The following PTPRN2 variants were observed in gnomAD, a reference collection of about 807,000 sequenced individuals.
The protein encoded by PTPRN2 is protein tyrosine phosphatase receptor type N2, also known as receptor-type tyrosine-protein phosphatase N2.
PTPRN2 carries 74 observed loss-of-function variants against 118.8 expected under a neutral mutation model. The observed-to-expected ratio is 0.62, with a 90% CI of 0.52 to 0.76. PTPRN2 has a LOEUF of 0.76. Ranked by LOEUF, PTPRN2 falls within the 30% of genes least tolerant of loss-of-function variation. The probability of loss-of-function intolerance (pLI) is 0.00; values close to 1 mark genes in which losing one functional copy is unlikely to be tolerated. For synonymous variants in PTPRN2, 641 were observed against 608.0 expected, an observed-to-expected ratio of 1.05 and a Z score of -0.80; for missense variants, 1,481 against 1,394.4, an observed-to-expected ratio of 1.06 and a Z score of -0.99.
At chr7:158,463,950 CCGTCATCATCCTTACCATCGCCATCAT>C (rs1819203897) in intron 2 of PTPRN2, among the ~76,000 whole-genome samples, 1 of 141,706 alleles carries the variant, frequency 7.1e-6, no homozygotes, top group African/African-American at 2.7e-5. Flanking sequence ...TTCATCATCA[CCGTCATCATCCTTACCATCGCCATCAT>C]TGCCATGCCA....
intron 13 of PTPRN2, among the ~76,000 whole-genome samples, chr7:157,665,562 G>A (rs1408450473): frequency 6.6e-6 from 1 of 152,232 alleles, no homozygotes; most frequent in East Asian, 1.9e-4. Context: ...CCACCAGGGT[G>A]TGGATGAAAC....
rs558190094 is a variant in PTPRN2 at position 157,986,683 on chromosome 7, C to G, written c.1724-87946G>C. ...GACTGCTTGATTCAAGCCAATAGTG[C>G]TAAATTAGAAATAATGAAGGCTTCA... is the stretch of plus-strand genomic sequence containing the variant. On this transcript the variant is annotated intron_variant, in intron 11 of 22. Coordinates refer to ENST00000389418, the MANE Select transcript of PTPRN2 (RefSeq NM_002847.5). The surrounding 1 kb of genome is among the most constrained non-coding windows in gnomAD (Gnocchi z 4.5). Among the ~76,000 whole-genome samples the G allele has an allele frequency of 5.9e-5, 9 of 152,314 alleles. No homozygotes were observed. In the East Asian group the frequency reaches 1.7e-3, roughly 29 times the overall value.
chr7:158,050,933 G>A (rs1393510268), intron 11 of PTPRN2, among the ~76,000 whole-genome samples: 1 of 152,254 alleles, frequency 6.6e-6, no homozygotes, highest in Non-Finnish European at 1.5e-5. Flanking sequence ...CCCACGGCAG[G>A]AGTGAGGAGC....
At chr7:157,686,173 G>C (rs1797182776) in intron 12 of PTPRN2, among the ~76,000 whole-genome samples, 1 of 152,182 alleles carries the variant, frequency 6.6e-6, no homozygotes. Context: ...CCCAGGGCCC[G>C]GCTGGGAAAC....
chr7:158,005,398 G>A (rs2128863832), intron 11 of PTPRN2, among the ~76,000 whole-genome samples: 1 of 152,240 alleles, frequency 6.6e-6, no homozygotes, highest in African/African-American at 2.4e-5. Context: ...GGTGGGTGCA[G>A]CTTATGGTGG....
Position 157,808,370 on chromosome 7 carries a change from G to A in PTPRN2, c.1788+90303C>T, listed in dbSNP as rs1011814711. Among the ~76,000 whole-genome samples the A allele has an allele frequency of 2.0e-5, 3 of 152,226 alleles. No individual in the cohort carries two copies. The highest frequency in any genetic ancestry group is 3.4e-3 in the Middle Eastern group (1 of 294). On this transcript the variant is annotated intron_variant, in intron 12 of 22. Transcript: ENST00000389418. This position sits in a 1 kb window ranked among gnomAD's most constrained non-coding sequence, Gnocchi z 5.0. Reference sequence around the variant, plus strand: ...GTGAGTGAGCGAGTGAAACTTTGTCGGTATTTATAGCCAGTCCCCATGGCT... The same window carrying A: ...GTGAGTGAGCGAGTGAAACTTTGTCAGTATTTATAGCCAGTCCCCATGGCT...
At chr7:158,342,097 C>CCCAT in intron 2 of PTPRN2, among the ~76,000 whole-genome samples, 1 of 144,926 alleles carries the variant, frequency 6.9e-6, no homozygotes, top group African/African-American at 2.6e-5. Context: ...GTGTCACCTG[C>CCCAT]AGACGTCACT....
chr7:158,342,812 A>G (rs1807155030), intron 2 of PTPRN2, among the ~76,000 whole-genome samples: 1 of 152,160 alleles, frequency 6.6e-6, no homozygotes, highest in Non-Finnish European at 1.5e-5. Context: ...AGGTACGGAA[A>G]CAGGATCAAC....
Position 158,587,661 on chromosome 7 carries a change from C to A in PTPRN2, c.9G>T (p.Pro3=). The A allele has an allele frequency of 7.4e-7, 1 of 1,345,640 alleles. No individual in the cohort carries two copies. Among genetic ancestry groups the A allele is most frequent in the Non-Finnish European group, 9.5e-7 (1 of 1,051,088 alleles). 83.4% of individuals were successfully genotyped at this position (1,345,640 alleles called of 1,614,324 possible). Residue 3 remains proline, a synonymous_variant, in exon 1 of 23, where the codon CCG becomes CCT. Transcript: ENST00000389418. MG[P]PLPLLLLLLL... is the part of the protein sequence containing the mutation. Reference sequence around the variant, plus strand: ...GTAGCAGCAGCAGCAGCGGGAGCGGCGGCCCCATCCCCGCGGCCTGGCCGG... The same window carrying A: ...GTAGCAGCAGCAGCAGCGGGAGCGGAGGCCCCATCCCCGCGGCCTGGCCGG...
At chr7:157,856,736 T>C (rs966694788) in intron 12 of PTPRN2, among the ~76,000 whole-genome samples, 1 of 152,246 alleles carries the variant, frequency 6.6e-6, no homozygotes, top group Non-Finnish European at 1.5e-5. Context: ...GTGGATTTCA[T>C]ATGACCTGCT....
chr7:158,071,372 G>C (rs111162920), intron 11 of PTPRN2, among the ~76,000 whole-genome samples: 2 of 115,234 alleles, frequency 1.7e-5, no homozygotes, highest in East Asian at 3.1e-4. Flanking sequence ...TGCTCATGGT[G>C]GTGGAGGTGC....
At chr7:157,547,234 G>A (rs368628292) in intron 22 of PTPRN2, among the ~76,000 whole-genome samples, 20 of 152,190 alleles carry the variant, frequency 1.3e-4, no homozygotes, top group Admixed American at 7.2e-4. Context: ...TGTGTGCCCC[G>A]TTCTCCCAGC....
chr7:157,804,072 T>C (rs1185943097), intron 12 of PTPRN2, among the ~76,000 whole-genome samples: 3 of 152,230 alleles, frequency 2.0e-5, no homozygotes, highest in African/African-American at 7.2e-5. Context: ...AAGTTAAAAT[T>C]AAAGAGGATC....
At chr7:157,710,444 A>T in intron 12 of PTPRN2, among the ~76,000 whole-genome samples, 1 of 151,994 alleles carries the variant, frequency 6.6e-6, no homozygotes, top group Non-Finnish European at 1.5e-5. Context: ...CCATCTCTAC[A>T]AACAATAAAA....
chr7:158,312,419 TAC>T (rs10566609), intron 3 of PTPRN2, among the ~76,000 whole-genome samples: 173 of 149,732 alleles, frequency 1.2e-3, no homozygotes, highest in African/African-American at 4.0e-3. Context: ...CATGTAGACA[TAC>T]ACACACATGC....
chr7:158,422,578 C>G (rs376639144), intron 2 of PTPRN2, among the ~76,000 whole-genome samples: 9 of 152,382 alleles, frequency 5.9e-5, no homozygotes, highest in African/African-American at 2.2e-4. Context: ...CAAATGCCAT[C>G]TGAAGGCCTC....
Position 158,214,397 on chromosome 7 carries a change from TACACACACACAC to T in PTPRN2, c.278-9136_278-9125del, listed in dbSNP as rs144370539. ...GCCGCAATCCGGAAACACCAGCGTGTACACACACACACACACACACACACACACACACACAAC... is the reference window on the plus strand; with the variant it reads ...GCCGCAATCCGGAAACACCAGCGTGTACACACACACACACACACACACAAC... On this transcript the variant is annotated intron_variant, in intron 3 of 22. Transcript: ENST00000389418. 8.9e-5 allele frequency among the ~76,000 whole-genome samples: 13 copies of T among 145,862 alleles called. No homozygotes were observed. In the East Asian group the frequency reaches 1.9e-3, roughly 21 times the overall value.
rs1428279613 is a variant in PTPRN2 at position 157,801,239 on chromosome 7, G to A, written c.1788+97434C>T. ...ACGCCAGACCAGAAACTGAACCGAC[G>A]CTGAAAGTATCAGGCCTTCCGCTTA... On this transcript the variant is annotated intron_variant, in intron 12 of 22. Coordinates refer to ENST00000389418, the MANE Select transcript of PTPRN2 (RefSeq NM_002847.5). This position sits in a 1 kb window ranked among gnomAD's most constrained non-coding sequence, Gnocchi z 4.2. Among the ~76,000 whole-genome samples, 1 of 152,068 alleles carries A rather than the reference G, an allele frequency of 6.6e-6. No homozygotes were observed. The highest frequency in any genetic ancestry group is 1.5e-5 in the Non-Finnish European group (1 of 68,022).
Position 158,417,376 on chromosome 7 carries a change from C to T in PTPRN2, c.163+72359G>A, listed in dbSNP as rs749421696. On this transcript the variant is annotated intron_variant, in intron 2 of 22. Transcript: ENST00000389418. The stretch of plus-strand genomic sequence containing the variant: ...GCTGTGCTGTCATGGTGTACTACAT[C>T]GAGATGCTGTAGCTTTCAGTGTCCC... Among the ~76,000 whole-genome samples the T allele has an allele frequency of 1.7e-4, 25 of 150,512 alleles. 1 individual carries two copies. The highest frequency in any genetic ancestry group is 4.0e-4 in the Admixed American group (6 of 15,084).
Sources: allele counts gnomAD v4.1 joint callset (sites outside exome capture counted in the v4.1 genomes callset), GRCh38; gene constraint gnomAD v4.1.1; non-coding constraint Gnocchi (gnomAD v3.1); transcripts MANE v1.5; gene names NCBI Gene and HGNC (gene_info 2026-07-23, HGNC 2026-07-21).